NME7: variants seen among roughly 807,000 people sequenced by gnomAD.
The protein encoded by NME7 is nucleoside diphosphate kinase 7.
Under a neutral mutation model 49.1 loss-of-function variants are expected in NME7, and 41 were observed. The observed-to-expected ratio is 0.83, with a 90% CI of 0.65 to 1.08. The LOEUF (loss-of-function observed/expected upper bound fraction) is 1.08, where lower values mean the gene tolerates loss of function less well. Ranked by LOEUF, NME7 falls within the 50% of genes least tolerant of loss-of-function variation. The pLI, the probability that NME7 is intolerant of heterozygous loss-of-function variation, is 0.00. For synonymous variants in NME7, 139 were observed against 150.6 expected (o/e 0.92, Z 0.56); for missense variants, 423 against 463.4 (o/e 0.91, Z 0.80).
intron 10 of NME7, among the ~76,000 whole-genome samples, chr1:169,222,247 G>A (rs987461357): frequency 6.6e-6 from 1 of 151,844 alleles, no homozygotes; most frequent in Non-Finnish European, 1.5e-5. Flanking sequence ...TGTAAGCTTG[G>A]TGCCCTGTGA....
intron 7 of NME7, among the ~76,000 whole-genome samples, chr1:169,270,315 C>G (rs1346410253): frequency 7.5e-6 from 1 of 133,636 alleles, no homozygotes; most frequent in Non-Finnish European, 1.8e-5. Flanking sequence ...TTCTCCATTA[C>G]AAGTATAAAA....
intron 3 of NME7, among the ~76,000 whole-genome samples, chr1:169,312,102 C>T (rs1430802943): frequency 6.6e-6 from 1 of 152,160 alleles, no homozygotes; most frequent in Non-Finnish European, 1.5e-5. Context: ...CGTAAAACAA[C>T]AATTTCTCAA....
At chr1:169,324,602 T>C (rs3213586) in intron 1 of NME7, 102 bp from the exon 2 acceptor site, 52,869 of 668,678 alleles carry the variant, frequency 0.079, 9,702 homozygotes, top group East Asian at 0.67. Flanking sequence ...GAAACAAAAT[T>C]ACTTCTACCT....
chr1:169,226,397 C>T (rs569814352), intron 10 of NME7, among the ~76,000 whole-genome samples: 1 of 151,918 alleles, frequency 6.6e-6, no homozygotes, highest in East Asian at 1.9e-4. Context: ...CATTTGTTGG[C>T]GAGGTGGAGA....
At chr1:169,365,067 C>T (rs1653802118) in intron 1 of NME7, among the ~76,000 whole-genome samples, 1 of 152,190 alleles carries the variant, frequency 6.6e-6, no homozygotes, top group African/African-American at 2.4e-5. Flanking sequence ...TTCTGGCAAA[C>T]CTCCTGATGC....
intron 3 of NME7, among the ~76,000 whole-genome samples, chr1:169,318,237 C>T (rs1210061320): frequency 3.3e-5 from 5 of 152,190 alleles, no homozygotes; most frequent in South Asian, 2.1e-4. Context: ...TTCTCAAACA[C>T]GCTTTCACAA....
At chr1:169,278,169 A>T (rs1017832652) in intron 7 of NME7, among the ~76,000 whole-genome samples, 1 of 149,812 alleles carries the variant, frequency 6.7e-6, no homozygotes, top group African/African-American at 2.4e-5. Flanking sequence ...TATGTCTTGG[A>T]GTTGCTCTTC....
chr1:169,255,321 C>T (rs897183116), intron 7 of NME7, among the ~76,000 whole-genome samples: 7 of 135,442 alleles, frequency 5.2e-5, no homozygotes, highest in Non-Finnish European at 8.3e-5. Flanking sequence ...TATGTAATGG[C>T]CTTCTTTGTC....
intron 11 of NME7, among the ~76,000 whole-genome samples, chr1:169,143,925 G>A (rs1658680220): frequency 6.6e-6 from 1 of 151,880 alleles, no homozygotes; most frequent in Admixed American, 6.6e-5. Context: ...ATAAGCTACG[G>A]ACCATTTCCC....
At chr1:169,357,808 C>T (rs1571419182) in intron 1 of NME7, among the ~76,000 whole-genome samples, 1 of 152,140 alleles carries the variant, frequency 6.6e-6, no homozygotes, top group East Asian at 1.9e-4. Context: ...CTTTCACAGT[C>T]AAATTACTGA....
intron 10 of NME7, among the ~76,000 whole-genome samples, chr1:169,177,133 T>A (rs979364467): frequency 2.0e-5 from 3 of 152,166 alleles, no homozygotes; most frequent in Admixed American, 6.5e-5. Context: ...CTTGCTTTAC[T>A]ATTTTAAAGA....
chr1:169,162,633 CAGG>C (rs1392389339), intron 11 of NME7, among the ~76,000 whole-genome samples: 2 of 152,014 alleles, frequency 1.3e-5, no homozygotes, highest in East Asian at 3.9e-4. Context: ...TGCTCAAATC[CAGG>C]AGTTCAAGAC....
intron 11 of NME7, among the ~76,000 whole-genome samples, chr1:169,141,764 A>G (rs998466658): frequency 6.6e-6 from 1 of 151,758 alleles, no homozygotes; most frequent in Non-Finnish European, 1.5e-5. Flanking sequence ...CTTTTTTTTT[A>G]TAAGGACAGA....
intron 7 of NME7, among the ~76,000 whole-genome samples, chr1:169,281,748 C>A (rs1050390512): frequency 6.6e-6 from 1 of 152,106 alleles, no homozygotes; most frequent in Non-Finnish European, 1.5e-5. Context: ...TGATGAATTA[C>A]GTTTATCGAT....
intron 3 of NME7, among the ~76,000 whole-genome samples, chr1:169,316,713 C>T (rs1186537268): frequency 6.6e-6 from 1 of 152,118 alleles, no homozygotes; most frequent in Non-Finnish European, 1.5e-5. Context: ...AGAAAGGTGG[C>T]CCCAAACCAA....
intron 1 of NME7, among the ~76,000 whole-genome samples, chr1:169,349,514 C>A (rs1653074595): frequency 6.6e-6 from 1 of 152,148 alleles, no homozygotes; most frequent in Non-Finnish European, 1.5e-5. Flanking sequence ...CGCTTGCTTT[C>A]TAACATCTAA....
Position 169,230,793 on chromosome 1 carries a change from G to A in NME7, c.915C>T (p.Gly305=). The A allele has an allele frequency of 6.2e-7, 1 of 1,602,760 alleles. No homozygotes were observed. Among genetic ancestry groups the A allele is most frequent in the Non-Finnish European group, 8.5e-7 (1 of 1,175,290 alleles). ...YHDMVTEMYS[G]PCVAMEIQQN... ...GTTGAATCTCCATTGCTACACAAGG[G>A]CCAGAATACATTTCTGTCACCATGT... is the stretch of plus-strand genomic sequence containing the variant. The change falls in exon 10 of 12, where the codon GGC becomes GGT. Residue 305 remains glycine (G), a synonymous_variant. Transcript: ENST00000367811.
chr1:169,207,585 T>C (rs1490273340), intron 10 of NME7, among the ~76,000 whole-genome samples: 1 of 152,064 alleles, frequency 6.6e-6, no homozygotes, highest in Non-Finnish European at 1.5e-5. Context: ...CAAAACAAAA[T>C]GATTTTTTTC....
intron 1 of NME7, among the ~76,000 whole-genome samples, chr1:169,334,967 T>C (rs1387651094): frequency 2.0e-5 from 3 of 151,938 alleles, no homozygotes; most frequent in African/African-American, 7.3e-5. Context: ...GAAAAAAAGC[T>C]CAACATCACT....
Sources: allele counts gnomAD v4.1 joint callset (sites outside exome capture counted in the v4.1 genomes callset), GRCh38; gene constraint gnomAD v4.1.1; transcripts MANE v1.5; gene names NCBI Gene and HGNC (gene_info 2026-07-23, HGNC 2026-07-21).